EPHX2: variants seen among roughly 807,000 people sequenced by gnomAD.
The protein encoded by EPHX2 is bifunctional epoxide hydrolase 2.
In EPHX2, 74 loss-of-function variants were observed where a neutral mutation model predicts 78.7. That is an observed-to-expected ratio of 0.94 (90% confidence interval 0.78 to 1.14). EPHX2 has a LOEUF of 1.14. EPHX2 is among the 50% of genes most tolerant of loss of function. The pLI is 0.00. For synonymous variants in EPHX2, 251 were observed against 255.2 expected (o/e 0.98, Z 0.16); for missense variants, 715 against 702.5 (o/e 1.02, Z -0.20).
intron 1 of EPHX2, chr8:27,492,832 C>T (rs1282236408): frequency 6.5e-6 from 1 of 153,118 alleles, no homozygotes; most frequent in African/African-American, 2.4e-5. Context: ...GGAAAGTTCC[C>T]CAAGTCCCCA....
chr8:27,535,015 G>GA (rs1815166820), intron 12 of EPHX2, among the ~76,000 whole-genome samples: 1 of 152,196 alleles, frequency 6.6e-6, no homozygotes, highest in African/African-American at 2.4e-5. Context: ...GGCCCGCTCA[G>GA]AAAACACATG....
At chr8:27,497,437 C>G (rs191117040) in intron 1 of EPHX2, among the ~76,000 whole-genome samples, 1 of 152,340 alleles carries the variant, frequency 6.6e-6, no homozygotes, top group African/African-American at 2.4e-5. Flanking sequence ...TCTGTCTTCT[C>G]TGAACCACCA....
At chr8:27,498,695 A>G (rs1003032130) in intron 1 of EPHX2, among the ~76,000 whole-genome samples, 4 of 152,156 alleles carry the variant, frequency 2.6e-5, no homozygotes, top group African/African-American at 7.2e-5. Context: ...AAGATGCTCA[A>G]TAGGATTGTT....
At chr8:27,513,082 C>G (rs1814311598) in intron 6 of EPHX2, among the ~76,000 whole-genome samples, 3 of 152,116 alleles carry the variant, frequency 2.0e-5, no homozygotes, top group Non-Finnish European at 4.4e-5. Context: ...ATTTTACACT[C>G]ACAACCTCGG....
In EPHX2 at chr8:27,544,696, AT is replaced by A; in HGVS notation, c.*178del. Reference sequence around the variant, plus strand: ...CATAAAGTGAATCAAATTTGACATTATTTTAGATCCCAGAGAAATCAGGTGT... The same window carrying A: ...CATAAAGTGAATCAAATTTGACATTATTTAGATCCCAGAGAAATCAGGTGT... On this transcript the variant is annotated 3_prime_UTR_variant, in exon 19 of 19. Transcript: ENST00000521400. 1.5e-6 allele frequency: 1 copy of A among 648,444 alleles called. No individual in the cohort carries two copies. The highest frequency in any genetic ancestry group is 2.7e-6 in the Non-Finnish European group (1 of 376,764). The allele number at this position is 648,444 out of a possible 1,614,324, so 40.2% of individuals were successfully genotyped here. A position where few individuals can be genotyped will look rare whatever the true frequency, so the allele number is the denominator to read the frequency against.
chr8:27,509,852 T>C (rs1814169310), intron 5 of EPHX2, among the ~76,000 whole-genome samples: 1 of 152,200 alleles, frequency 6.6e-6, no homozygotes, highest in Non-Finnish European at 1.5e-5. Context: ...TGCACAAACA[T>C]ATAAGATGAT....
chr8:27,501,679 C>T (rs1813808924), intron 2 of EPHX2, among the ~76,000 whole-genome samples: 1 of 151,980 alleles, frequency 6.6e-6, no homozygotes, highest in Non-Finnish European at 1.5e-5. Context: ...TTCCAAAGTG[C>T]TAGGATTACA....
In EPHX2 at chr8:27,544,731, C is replaced by A. The variant is rs988099157; in HGVS notation, c.*209C>A. On this transcript the variant is annotated 3_prime_UTR_variant, in exon 19 of 19. Coordinates refer to ENST00000521400, the MANE Select transcript of EPHX2 (RefSeq NM_001979.6). ...CCAGAGAAATCAGGTGTGATTAGTT[C>A]TCCAGGCATGAATGCATCGTCCCTT... is the stretch of plus-strand genomic sequence containing the variant. 4 of 596,408 alleles carry A rather than the reference C, an allele frequency of 6.7e-6. No individual in the cohort carries two copies. The African/African-American group carries it at 7.4e-5, about 11-fold the overall frequency. 36.9% of individuals were successfully genotyped at this position (596,408 alleles called of 1,614,324 possible).
intron 5 of EPHX2, among the ~76,000 whole-genome samples, chr8:27,508,329 T>G (rs57442348): frequency 0.013 from 2,038 of 151,762 alleles, 38 homozygotes; most frequent in African/African-American, 0.047. Context: ...AAAAAAGTAT[T>G]GGCACTAAGA....
intron 1 of EPHX2, among the ~76,000 whole-genome samples, chr8:27,499,787 A>T (rs1299934775): frequency 6.6e-6 from 1 of 152,306 alleles, no homozygotes; most frequent in South Asian, 2.1e-4. Context: ...CAAGATCAAG[A>T]TGTCAGCAGG....
chr8:27,522,804 T>A (rs1220390847), intron 11 of EPHX2, among the ~76,000 whole-genome samples: 1 of 151,110 alleles, frequency 6.6e-6, no homozygotes, highest in Non-Finnish European at 1.5e-5. Flanking sequence ...CTACTAAAAA[T>A]ACAAAAACTA....
chr8:27,492,523 C>T (rs1042626274), intron 1 of EPHX2, among the ~76,000 whole-genome samples: 32 of 152,036 alleles, frequency 2.1e-4, no homozygotes, highest in African/African-American at 6.7e-4. Context: ...TGTGGACCTT[C>T]GCAGTGAGTG....
chr8:27,534,575 C>A (rs1174484938), intron 12 of EPHX2, among the ~76,000 whole-genome samples: 1 of 152,140 alleles, frequency 6.6e-6, no homozygotes, highest in Non-Finnish European at 1.5e-5. Flanking sequence ...TCTCTTGAAC[C>A]CATCTTGGCA....
chr8:27,516,919 A>ATT lies in EPHX2; in HGVS notation c.910+538_910+539dup, dbSNP rs1255634079. ...TAGACGGCACCACAATTTCCTTCCT[A>ATT]TTTTTTTTTTTTTTTTTTGAGACGG... On this transcript the variant is annotated intron_variant, in intron 8 of 18. Coordinates refer to ENST00000521400, the MANE Select transcript of EPHX2 (RefSeq NM_001979.6). Among the ~76,000 whole-genome samples the ATT allele has an allele frequency of 4.3e-4, 56 of 131,570 alleles. 1 individual carries two copies. Among genetic ancestry groups the ATT allele is most frequent in the African/African-American group, 1.1e-3 (39 of 35,886 alleles). 86.3% of individuals were successfully genotyped at this position (131,570 alleles called of 152,430 possible). A position where few individuals can be genotyped will look rare whatever the true frequency, so the allele number is the denominator to read the frequency against.
chr8:27,501,655 C>T (rs1043533914), intron 2 of EPHX2, among the ~76,000 whole-genome samples: 3 of 152,042 alleles, frequency 2.0e-5, no homozygotes, highest in Non-Finnish European at 4.4e-5. Context: ...TCAAATGATA[C>T]ACCCACCTTG....
Position 27,505,002 on chromosome 8 carries a change from TGA to T in EPHX2, c.400_401del (p.Asp134TrpfsTer8). ...CCAACACCTGGCTGGACGACCGTGC[TGA>T]GAGAGATGGCCTGGCCCAGCTGATG... ...LTNTWLDDRA[E>X]RDGLAQLMCE... On this transcript the variant is annotated frameshift_variant, in exon 4 of 19. Coordinates refer to ENST00000521400, the MANE Select transcript of EPHX2 (RefSeq NM_001979.6). LOFTEE classifies it high-confidence loss of function. 6.2e-7 allele frequency: 1 copy of T among 1,614,148 alleles called. No homozygotes were observed. The highest frequency in any genetic ancestry group is 8.5e-7 in the Non-Finnish European group (1 of 1,180,026).
At chr8:27,503,550 G>A in intron 2 of EPHX2, 54 bp from the exon 3 acceptor site, 1 of 1,544,942 alleles carries the variant, frequency 6.5e-7, no homozygotes, top group Non-Finnish European at 8.8e-7. Flanking sequence ...AGTAGACCCT[G>A]CCAGAGCTTT....
intron 1 of EPHX2, among the ~76,000 whole-genome samples, chr8:27,497,450 G>T (rs550607195): frequency 6.6e-6 from 1 of 152,282 alleles, no homozygotes; most frequent in African/African-American, 2.4e-5. Context: ...AACCACCAAG[G>T]TTTGTTTGTG....
chr8:27,525,196 G>A (rs1431928524), intron 11 of EPHX2, among the ~76,000 whole-genome samples, 166 bp from the exon 12 acceptor site: 8 of 151,758 alleles, frequency 5.3e-5, no homozygotes, highest in Non-Finnish European at 1.0e-4. Context: ...ACTAGGAATC[G>A]AAAATCCTGA....
Sources: gnomAD v4.1 joint callset for allele counts (sites outside exome capture counted in the v4.1 genomes callset) on GRCh38, gnomAD v4.1.1 for gene constraint, MANE v1.5 for transcripts, NCBI Gene and HGNC (gene_info 2026-07-23, HGNC 2026-07-21) for gene names.